Variants in TANC2 observed in about 807,000 individuals in gnomAD.
TANC2 encodes tetratricopeptide repeat, ankyrin repeat and coiled-coil containing 2, also known as protein TANC2.
Under a neutral mutation model 210.5 loss-of-function variants are expected in TANC2, and 26 were observed. The ratio of observed to expected loss-of-function variants is 0.12; its 90% CI spans 0.09 to 0.17. TANC2 has a LOEUF of 0.17. Among genes scored for constraint, TANC2 ranks in the 10% least tolerant of loss-of-function variants. The pLI, the probability that TANC2 is intolerant of heterozygous loss-of-function variation, is 1.00. For synonymous variants in TANC2, 931 were observed against 967.1 expected (o/e 0.96, Z 0.69); for missense variants, 2,129 against 2,608.9 (o/e 0.82, Z 4.01).
rs2046175062 is a variant in TANC2, at chr17:63,340,050, A to C, written c.1576-51A>C. The C allele has an allele frequency of 2.3e-6, 3 of 1,320,138 alleles. No individual in the cohort carries two copies. The African/African-American group carries it at 4.3e-5, about 19-fold the overall frequency. The allele number at this position is 1,320,138 out of a possible 1,614,324, so 81.8% of individuals were successfully genotyped here. Reference sequence around the variant, plus strand: ...CACTCAATAGCTGATAATCATAGCTATTGCTCTTACTACTGATAAGCCTGT... The same window carrying C: ...CACTCAATAGCTGATAATCATAGCTCTTGCTCTTACTACTGATAAGCCTGT... On this transcript the variant is annotated intron_variant, in intron 11 of 27. Transcript: ENST00000689528.
chr17:63,023,977 C>T (rs2034451962), intron 2 of TANC2, among the ~76,000 whole-genome samples: 1 of 152,174 alleles, frequency 6.6e-6, no homozygotes. Flanking sequence ...GTGTTCATAT[C>T]TATTTCCATT....
At chr17:63,005,820 A>C (rs2033596843) in intron 1 of TANC2, among the ~76,000 whole-genome samples, 1 of 150,552 alleles carries the variant, frequency 6.6e-6, no homozygotes, top group Admixed American at 6.6e-5. Context: ...TTCTTAAATA[A>C]TTTTTATAAA....
rs117582084 is a variant in TANC2 at position 63,398,901 on chromosome 17, C to T, written c.3318C>T (p.Leu1106=). The T allele has an allele frequency of 8.8e-5, 140 of 1,593,326 alleles. 1 individual carries two copies. In the Admixed American group the frequency reaches 1.0e-3, roughly 12 times the overall value. Residue 1106 remains leucine, a synonymous_variant, in exon 19 of 28, where the codon CTC becomes CTT. Transcript: ENST00000689528. ...CACAGATCAACAGCTTTGACAGTCTCTGGGGAGAGACAGGTACCTCTCATG... is the reference window on the plus strand; with the variant it reads ...CACAGATCAACAGCTTTGACAGTCTTTGGGGAGAGACAGGTACCTCTCATG...
chr17:63,077,674 A>G (rs2036618466), intron 3 of TANC2, among the ~76,000 whole-genome samples: 1 of 152,190 alleles, frequency 6.6e-6, no homozygotes, highest in Admixed American at 6.5e-5. Flanking sequence ...GAAGATAAAT[A>G]ATGTGTAAGA....
At chr17:63,245,914 G>A (rs1466132669) in intron 8 of TANC2, among the ~76,000 whole-genome samples, 1 of 151,474 alleles carries the variant, frequency 6.6e-6, no homozygotes, top group Non-Finnish European at 1.5e-5. Flanking sequence ...GGAGACTGAG[G>A]CACATGAATT....
chr17:63,082,805 T>C (rs2036828553), intron 3 of TANC2, among the ~76,000 whole-genome samples: 1 of 152,170 alleles, frequency 6.6e-6, no homozygotes, highest in Non-Finnish European at 1.5e-5. Flanking sequence ...CCATTTTCAT[T>C]GGCTGAGACT....
intron 1 of TANC2, among the ~76,000 whole-genome samples, chr17:62,992,379 A>G (rs1423359995): frequency 1.3e-5 from 2 of 152,180 alleles, no homozygotes; most frequent in African/African-American, 4.8e-5. Flanking sequence ...TTCTTATGTG[A>G]TATGTTGTGA....
In TANC2 at chr17:63,420,703, C is replaced by T; in HGVS notation, c.4973C>T (p.Pro1658Leu). 4 of 1,613,950 alleles carry T rather than the reference C, an allele frequency of 2.5e-6. No individual in the cohort carries two copies. Among genetic ancestry groups the T allele is most frequent in the Non-Finnish European group, 3.4e-6 (4 of 1,179,860 alleles). Residue 1658 changes from proline (P) to leucine (L), a missense_variant, in exon 28 of 28, where the codon CCT becomes CTT. This residue lies in a region of TANC2 where 584 missense variants were observed against 627.3 expected (regional missense o/e 0.93). Coordinates refer to ENST00000689528, the Ensembl canonical transcript of TANC2. The surrounding 1 kb of genome is among the most constrained non-coding windows in gnomAD (Gnocchi z 4.2). ...CAGGAAACAAGCGTCAGTCAGCTTC[C>T]TGGCAGACCCAAATCTCCATTATCC...
intron 4 of TANC2, among the ~76,000 whole-genome samples, chr17:63,109,276 G>T (rs1295978587): frequency 1.3e-5 from 2 of 151,662 alleles, no homozygotes; most frequent in Admixed American, 6.6e-5. Flanking sequence ...TCCTTGAAAA[G>T]ACTAAGATAA....
At chr17:63,097,476 C>A (rs1458399693) in intron 3 of TANC2, among the ~76,000 whole-genome samples, 1 of 151,414 alleles carries the variant, frequency 6.6e-6, no homozygotes, top group African/African-American at 2.4e-5. Flanking sequence ...CAGGGGTGTC[C>A]AATCTTTTGG....
At chr17:62,998,447 A>G (rs2033219482) in intron 1 of TANC2, among the ~76,000 whole-genome samples, 1 of 152,240 alleles carries the variant, frequency 6.6e-6, no homozygotes, top group African/African-American at 2.4e-5. Flanking sequence ...CCCAAGACAC[A>G]TAATCATCAG....
intron 5 of TANC2, chr17:63,182,398 TGGA>T (rs2040817151): frequency 4.2e-6 from 1 of 240,646 alleles, no homozygotes; most frequent in East Asian, 1.0e-4. Context: ...AATTAAATGG[TGGA>T]GGAGGAGTTG....
intron 1 of TANC2, 49 bp from the exon 2 acceptor site, chr17:63,009,488 A>T (rs1598242143): frequency 5.2e-6 from 7 of 1,356,596 alleles, no homozygotes; most frequent in African/African-American, 1.4e-5. Context: ...CTCTTATGCT[A>T]TGAAAATAAA....
At chr17:63,007,231 T>A (rs1227376993) in intron 1 of TANC2, among the ~76,000 whole-genome samples, 1 of 152,160 alleles carries the variant, frequency 6.6e-6, no homozygotes, top group East Asian at 1.9e-4. Context: ...CCTGTCTCAA[T>A]ATAGACAAAA....
chr17:63,379,291 T>G (rs942140506), intron 14 of TANC2, among the ~76,000 whole-genome samples: 9 of 152,128 alleles, frequency 5.9e-5, no homozygotes, highest in African/African-American at 2.2e-4. Context: ...GCAGGTGCCC[T>G]TCCCCAAAAA....
At chr17:63,391,143 C>G (rs1599013641) in intron 17 of TANC2, 1 of 152,240 alleles carries the variant, frequency 6.6e-6, no homozygotes, top group East Asian at 1.9e-4. Flanking sequence ...TACCTTTTTT[C>G]TCAGTTTCTA....
At chr17:63,264,141 A>G (rs1567864378) in intron 8 of TANC2, among the ~76,000 whole-genome samples, 1 of 152,216 alleles carries the variant, frequency 6.6e-6, no homozygotes, top group Non-Finnish European at 1.5e-5. Flanking sequence ...TGGCAGAACC[A>G]AAAAAGACAA....
intron 9 of TANC2, among the ~76,000 whole-genome samples, chr17:63,302,627 T>TG (rs2044756868): frequency 7.5e-6 from 1 of 132,756 alleles, no homozygotes; most frequent in Non-Finnish European, 1.5e-5. Flanking sequence ...TTTTTTTTTT[T>TG]GCTTTCCATT....
At chr17:63,393,101 A>G (rs887557448) in intron 17 of TANC2, among the ~76,000 whole-genome samples, 9 of 152,142 alleles carry the variant, frequency 5.9e-5, no homozygotes, top group African/African-American at 2.2e-4. Context: ...GTCTCCTCCA[A>G]CCTGTGAGAG....
Sources: gnomAD v4.1 joint callset for allele counts (sites outside exome capture counted in the v4.1 genomes callset) on GRCh38, gnomAD v4.1.1 for gene constraint, gnomAD v4.1.1 regional missense constraint, Gnocchi (gnomAD v3.1) non-coding constraint, MANE v1.5 for transcripts, NCBI Gene and HGNC (gene_info 2026-07-23, HGNC 2026-07-21) for gene names.